Variants in KIAA0319L observed in about 807,000 individuals in gnomAD.
KIAA0319L encodes the protein KIAA0319 like.
A neutral mutation model predicts 120.1 loss-of-function variants in KIAA0319L; 55 were observed. The ratio of observed to expected loss-of-function variants is 0.46; its 90% CI spans 0.37 to 0.57. The LOEUF is 0.57. Ranked by LOEUF, KIAA0319L falls within the 20% of genes least tolerant of loss-of-function variation. The probability of loss-of-function intolerance (pLI) is 0.00; values close to 1 mark genes in which losing one functional copy is unlikely to be tolerated. For missense variants in KIAA0319L, 1,049 were observed against 1,255.3 expected, an observed-to-expected ratio of 0.84 and a Z score of 2.48; for synonymous variants, 398 against 471.9, an observed-to-expected ratio of 0.84 and a Z score of 2.03.
intron 20 of KIAA0319L, chr1:35,440,638 G>A (rs1641136214): frequency 1.7e-5 from 3 of 181,186 alleles, no homozygotes. Flanking sequence ...GAACAAGGCT[G>A]GCTGAAAGGT....
chr1:35,532,346 T>C (rs1379200059), intron 2 of KIAA0319L, among the ~76,000 whole-genome samples: 2 of 152,208 alleles, frequency 1.3e-5, no homozygotes, highest in Non-Finnish European at 2.9e-5. Flanking sequence ...TTAATGTTGT[T>C]ACATCATGTG....
intron 3 of KIAA0319L, among the ~76,000 whole-genome samples, chr1:35,484,006 C>A (rs929392575): frequency 6.6e-6 from 1 of 152,076 alleles, no homozygotes; most frequent in Non-Finnish European, 1.5e-5. Flanking sequence ...TCCTTTCTCT[C>A]GTATAAAGAC....
At chr1:35,513,288 A>ATATTTTT (rs1414704674) in intron 2 of KIAA0319L, among the ~76,000 whole-genome samples, 4 of 85,336 alleles carry the variant, frequency 4.7e-5, no homozygotes, top group East Asian at 2.9e-4. Flanking sequence ...ATATATATAT[A>ATATTTTT]TTTTTTTTTT....
At chr1:35,518,181 C>T (rs1444109223) in intron 2 of KIAA0319L, among the ~76,000 whole-genome samples, 1 of 152,120 alleles carries the variant, frequency 6.6e-6, no homozygotes, top group East Asian at 1.9e-4. Flanking sequence ...GAGCTAAAAG[C>T]AGAACTACCA....
At position 35,441,064 on chromosome 1, in the gene KIAA0319L, T is replaced by C. The variant is rs771535112; in HGVS notation, c.2945A>G (p.Lys982Arg). 5 of 1,614,196 alleles carry C rather than the reference T, an allele frequency of 3.1e-6. No homozygotes were observed. The East Asian group carries it at 1.1e-4, about 36-fold the overall frequency. ...GCCCCTACCTGCTCGGGAGGTTGGC[T>C]TCAGCTCCAGGCTTTCCTGATCCGT... ...DATDQESLELKPTSRAGIKQK... is the reference protein window; with the variant it reads ...DATDQESLELRPTSRAGIKQK... Residue 982 changes from lysine to arginine, a missense_variant, in exon 20 of 21, where the codon AAG becomes AGG. Physicochemically the swap from Lys to Arg is conservative, Grantham distance 26. Coordinates refer to ENST00000325722, the MANE Select transcript of KIAA0319L (RefSeq NM_024874.5).
chr1:35,504,142 T>C (rs547910171), intron 3 of KIAA0319L, among the ~76,000 whole-genome samples: 144 of 151,846 alleles, frequency 9.5e-4, no homozygotes, highest in Admixed American at 1.6e-3. Flanking sequence ...TGCCTCAGCC[T>C]ACCCCAGTGC....
At chr1:35,536,790 G>A (rs546647392) in intron 2 of KIAA0319L, among the ~76,000 whole-genome samples, 1 of 151,604 alleles carries the variant, frequency 6.6e-6, no homozygotes, top group Non-Finnish European at 1.5e-5. Context: ...CTACCATAAA[G>A]TCACCTGTTC....
chr1:35,535,697 T>C (rs186069506), intron 2 of KIAA0319L, among the ~76,000 whole-genome samples: 3 of 152,326 alleles, frequency 2.0e-5, no homozygotes, highest in African/African-American at 7.2e-5. Context: ...TTGTTATACT[T>C]CATTTTAGCT....
chr1:35,442,134 GCTGA>G, intron 19 of KIAA0319L, 108 bp downstream of exon 19: 2 of 808,358 alleles, frequency 2.5e-6, no homozygotes, highest in South Asian at 1.4e-5. Context: ...ACTCTCTAAT[GCTGA>G]CTAAGGACCC....
intron 3 of KIAA0319L, among the ~76,000 whole-genome samples, chr1:35,496,125 C>G (rs1019366121): frequency 1.2e-4 from 18 of 152,080 alleles, no homozygotes; most frequent in African/African-American, 4.3e-4. Context: ...GTTAAATATA[C>G]CCATACAATA....
intron 9 of KIAA0319L, 116 bp from the exon 10 acceptor site, chr1:35,456,357 T>C (rs1642454939): frequency 1.6e-6 from 1 of 641,912 alleles, no homozygotes; most frequent in Non-Finnish European, 2.6e-6. Context: ...TACCTATTCT[T>C]ACCCACTTCT....
intron 2 of KIAA0319L, among the ~76,000 whole-genome samples, chr1:35,550,329 G>A (rs1397516570): frequency 6.6e-6 from 1 of 152,182 alleles, no homozygotes; most frequent in Non-Finnish European, 1.5e-5. Flanking sequence ...ATAACAGCAG[G>A]AATCAAGAAT....
intron 2 of KIAA0319L, among the ~76,000 whole-genome samples, chr1:35,545,304 G>A (rs1488704328): frequency 1.3e-5 from 2 of 152,130 alleles, no homozygotes; most frequent in African/African-American, 2.4e-5. Context: ...TACACCAGCA[G>A]AGACACCAGA....
At chr1:35,478,286 G>C (rs1047561521) in intron 4 of KIAA0319L, among the ~76,000 whole-genome samples, 6 of 148,948 alleles carry the variant, frequency 4.0e-5, no homozygotes, top group African/African-American at 9.9e-5. Context: ...TAAGAGGGAG[G>C]GGGGGATGGT....
intron 13 of KIAA0319L, among the ~76,000 whole-genome samples, chr1:35,451,274 C>T (rs1642043024): frequency 6.6e-6 from 1 of 152,090 alleles, no homozygotes; most frequent in African/African-American, 2.4e-5. Flanking sequence ...GGAGTCACGG[C>T]CCAGGTCTCA....
At chr1:35,466,463 G>T (rs1318428346) in intron 7 of KIAA0319L, 145 bp downstream of exon 7, 1 of 618,202 alleles carries the variant, frequency 1.6e-6, no homozygotes, top group Non-Finnish European at 2.9e-6. Flanking sequence ...TTTTGCTATT[G>T]TAACTATTCA....
chr1:35,450,793 T>C (rs1378997399), intron 13 of KIAA0319L, among the ~76,000 whole-genome samples: 1 of 152,188 alleles, frequency 6.6e-6, no homozygotes, highest in Non-Finnish European at 1.5e-5. Context: ...ATGGAATCCA[T>C]TTCTCTGCTT....
intron 2 of KIAA0319L, among the ~76,000 whole-genome samples, chr1:35,539,308 A>G (rs1444271076): frequency 2.6e-5 from 4 of 152,188 alleles, no homozygotes; most frequent in African/African-American, 9.7e-5. Context: ...TAGGCCAGAA[A>G]ACTTTTGTTT....
intron 2 of KIAA0319L, among the ~76,000 whole-genome samples, chr1:35,513,273 TA>T: frequency 1.1e-5 from 1 of 93,746 alleles, no homozygotes; most frequent in Non-Finnish European, 2.1e-5. Context: ...ATAACATATA[TA>T]TATATATATA....
Sources: allele counts gnomAD v4.1 joint callset (sites outside exome capture counted in the v4.1 genomes callset), GRCh38; gene constraint gnomAD v4.1.1; transcripts MANE v1.5; gene names NCBI Gene and HGNC (gene_info 2026-07-23, HGNC 2026-07-21).